Variants in GPR137B observed in about 807,000 individuals in gnomAD.
GPR137B encodes the protein G protein-coupled receptor 137B, also known as integral membrane protein GPR137B.
Under a neutral mutation model 42.5 loss-of-function variants are expected in GPR137B, and 42 were observed. That is an observed-to-expected ratio of 0.99 (90% CI 0.77 to 1.28). GPR137B has a LOEUF of 1.28. Ranked by LOEUF, GPR137B falls within the 50% of genes most tolerant of loss-of-function variation. GPR137B has a pLI of 0.00. For synonymous variants in GPR137B, 218 were observed against 209.7 expected (o/e 1.04, Z -0.34); for missense variants, 487 against 493.9 (o/e 0.99, Z 0.13).
At chr1:236,163,899 C>T (rs114183437) in intron 1 of GPR137B, among the ~76,000 whole-genome samples, 5,906 of 151,774 alleles carry the variant, frequency 0.039, 161 homozygotes, top group Non-Finnish European at 0.055. Flanking sequence ...CCTCACACTT[C>T]CCACACCTCC....
chr1:236,161,461 TCTCCTCACACCTCCACACACACTTCACAC>T (rs1485754338), intron 1 of GPR137B, among the ~76,000 whole-genome samples: 1 of 146,710 alleles, frequency 6.8e-6, no homozygotes, highest in African/African-American at 2.6e-5. Flanking sequence ...ACACATCACA[TCTCCTCACACCTCCACACACACTTCACAC>T]CTCCTCACGC....
chr1:236,158,389 G>A (rs1414750530), intron 1 of GPR137B, among the ~76,000 whole-genome samples: 1 of 152,188 alleles, frequency 6.6e-6, no homozygotes, highest in African/African-American at 2.4e-5. Context: ...GCACCACTGC[G>A]CTCCAGCCTA....
At position 236,142,714 on chromosome 1, in the gene GPR137B, C is replaced by T; in HGVS notation, c.92C>T (p.Pro31Leu). Residue 31 changes from proline to leucine, a missense_variant, in exon 1 of 7, where the codon CCC becomes CTC. By Grantham distance (98) the Pro-to-Leu change is moderately conservative. Transcript: ENST00000366592. Reference sequence around the variant, plus strand: ...CCAGCCCGCAACGACTCGCTGCCGCCCACGCTGACCCCGGCCGTGCCCCCC... The same window carrying T: ...CCAGCCCGCAACGACTCGCTGCCGCTCACGCTGACCCCGGCCGTGCCCCCC... ...WDPARNDSLP[P>L]TLTPAVPPYV... 2 of 1,604,592 alleles carry T rather than the reference C, an allele frequency of 1.2e-6. No homozygotes were observed. The highest frequency in any genetic ancestry group is 1.7e-6 in the Non-Finnish European group (2 of 1,178,026).
chr1:236,162,382 A>T (rs1270084226), intron 1 of GPR137B, among the ~76,000 whole-genome samples: 1 of 152,240 alleles, frequency 6.6e-6, no homozygotes, highest in African/African-American at 2.4e-5. Context: ...TTGCAGCCTG[A>T]CTATACAATA....
chr1:236,185,944 C>T (rs969380927), intron 5 of GPR137B, among the ~76,000 whole-genome samples: 11 of 151,652 alleles, frequency 7.3e-5, no homozygotes, highest in African/African-American at 2.4e-4. Context: ...CCCTGCCCTA[C>T]CCCCAGGCAT....
chr1:236,162,973 C>T (rs1662241779), intron 1 of GPR137B, among the ~76,000 whole-genome samples: 1 of 152,184 alleles, frequency 6.6e-6, no homozygotes, highest in Non-Finnish European at 1.5e-5. Flanking sequence ...GGTATATCCA[C>T]CGACAGCTTG....
intron 1 of GPR137B, among the ~76,000 whole-genome samples, chr1:236,149,255 C>CTA (rs59553241): frequency 0.5 from 75,890 of 151,794 alleles, 19,247 homozygotes; most frequent in East Asian, 0.67. Context: ...CAAGCCTAAT[C>CTA]GCAGTGCCTG....
chr1:236,158,204 A>T (rs1291529091), intron 1 of GPR137B, among the ~76,000 whole-genome samples: 3 of 152,180 alleles, frequency 2.0e-5, no homozygotes, highest in African/African-American at 4.8e-5. Context: ...TGGGTGGATC[A>T]CCTGAGGTCA....
At chr1:236,158,812 C>A (rs1227128289) in intron 1 of GPR137B, among the ~76,000 whole-genome samples, 1 of 152,118 alleles carries the variant, frequency 6.6e-6, no homozygotes, top group East Asian at 1.9e-4. Flanking sequence ...ACTAGGGTGT[C>A]CAGATGTGGG....
intron 5 of GPR137B, among the ~76,000 whole-genome samples, chr1:236,191,855 T>C (rs1663199487): frequency 6.6e-6 from 1 of 152,216 alleles, no homozygotes; most frequent in Non-Finnish European, 1.5e-5. Context: ...CTGAACGCTG[T>C]GCTGAGAGAT....
chr1:236,187,724 T>TACCAG (rs1261588718), intron 5 of GPR137B, among the ~76,000 whole-genome samples: 45 of 135,934 alleles, frequency 3.3e-4, no homozygotes, highest in East Asian at 6.2e-4. Context: ...GCTGTTTTGG[T>TACCAG]TACTGTAGCC....
rs553451830 is a variant in GPR137B at position 236,156,440 on chromosome 1, A to G, written c.415-12266A>G. On this transcript the variant is annotated intron_variant, in intron 1 of 6. Transcript: ENST00000366592. This position sits in a 1 kb window ranked among gnomAD's most constrained non-coding sequence, Gnocchi z 4.8. ...GCCAGTTACCTTCACTGCCACGGACACAGGACTATGAGTGGGGCTGTGGTG... is the reference window on the plus strand; with the variant it reads ...GCCAGTTACCTTCACTGCCACGGACGCAGGACTATGAGTGGGGCTGTGGTG... Among the ~76,000 whole-genome samples, 16 of 152,342 alleles carry G rather than the reference A, an allele frequency of 1.1e-4. No individual in the cohort carries two copies. The highest frequency in any genetic ancestry group is 3.6e-4 in the African/African-American group (15 of 41,584).
chr1:236,166,059 A>G (rs1040456839), intron 1 of GPR137B, among the ~76,000 whole-genome samples: 3 of 152,220 alleles, frequency 2.0e-5, no homozygotes, highest in Non-Finnish European at 4.4e-5. Context: ...TAAGTGGGCA[A>G]AATATCAAAA....
intron 1 of GPR137B, among the ~76,000 whole-genome samples, chr1:236,165,864 G>T (rs550074530): frequency 2.8e-4 from 43 of 152,288 alleles, no homozygotes; most frequent in African/African-American, 9.9e-4. Context: ...CCAATTTCCA[G>T]TTCTGCTGGA....
intron 2 of GPR137B, among the ~76,000 whole-genome samples, chr1:236,174,455 G>T: frequency 6.6e-6 from 1 of 152,188 alleles, no homozygotes; most frequent in Non-Finnish European, 1.5e-5. Flanking sequence ...AAGATGCGGG[G>T]TGGGGCTTTA....
chr1:236,156,309 C>T lies in GPR137B; in HGVS notation c.415-12397C>T, dbSNP rs141855565. ...ACCTGACCATGTATTCCAGTGACCC[C>T]TCTCACACCTGGCCAGCCTGGGACA... On this transcript the variant is annotated intron_variant, in intron 1 of 6. Coordinates refer to ENST00000366592, the MANE Select transcript of GPR137B (RefSeq NM_003272.4). This position sits in a 1 kb window ranked among gnomAD's most constrained non-coding sequence, Gnocchi z 4.8. Among the ~76,000 whole-genome samples, 246 of 152,300 alleles carry T rather than the reference C, an allele frequency of 1.6e-3. 2 individuals carry two copies. The highest frequency in any genetic ancestry group is 5.6e-3 in the African/African-American group (231 of 41,566).
chr1:236,189,950 G>A (rs1020319230), intron 5 of GPR137B, among the ~76,000 whole-genome samples: 3 of 152,278 alleles, frequency 2.0e-5, no homozygotes, highest in Non-Finnish European at 2.9e-5. Context: ...GGGGGTCTAA[G>A]TGTCTTTGTA....
chr1:236,202,582 ATC>A (rs1325466652), intron 5 of GPR137B, among the ~76,000 whole-genome samples: 2 of 152,006 alleles, frequency 1.3e-5, no homozygotes, highest in African/African-American at 4.8e-5. Context: ...TGTAAGCCCT[ATC>A]TCCTATCCAC....
At chr1:236,154,217 T>G (rs1571963170) in intron 1 of GPR137B, among the ~76,000 whole-genome samples, 1 of 152,214 alleles carries the variant, frequency 6.6e-6, no homozygotes, top group East Asian at 1.9e-4. Flanking sequence ...ATTTCTGGTC[T>G]GCCTGGGTTT....
Sources: gnomAD v4.1 joint callset for allele counts (sites outside exome capture counted in the v4.1 genomes callset) on GRCh38, gnomAD v4.1.1 for gene constraint, Gnocchi (gnomAD v3.1) non-coding constraint, MANE v1.5 for transcripts, NCBI Gene and HGNC (gene_info 2026-07-23, HGNC 2026-07-21) for gene names.